BCORL1: variants seen among roughly 807,000 people sequenced by gnomAD.
BCORL1 encodes BCL6 corepressor like 1, also known as BCL-6 corepressor-like protein 1.
In BCORL1, 7 loss-of-function variants were observed where a neutral mutation model predicts 87.6. That is an observed-to-expected ratio of 0.08 (90% CI 0.05 to 0.15). The LOEUF (loss-of-function observed/expected upper bound fraction) is 0.15, where lower values mean the gene tolerates loss of function less well. BCORL1 is among the 10% of genes least tolerant of loss of function. BCORL1 has a pLI of 1.00. For synonymous variants in BCORL1, 591 were observed against 634.4 expected (o/e 0.93, Z 1.03); for missense variants, 1,215 against 1,499.7 (o/e 0.81, Z 3.13).
At position 130,043,778 on chromosome X, in the gene BCORL1, A is replaced by T. The variant is rs867591572; in HGVS notation, c.4840+4496A>T. Among the ~76,000 whole-genome samples the T allele has an allele frequency of 6.2e-3, 135 of 21,847 alleles. 7 individuals are homozygous for T. The highest frequency in any genetic ancestry group is 0.045 in the African/African-American group (128 of 2,875). The allele number at this position is 21,847 out of a possible 115,157, so 19.0% of individuals were successfully genotyped here. The stretch of plus-strand genomic sequence containing the variant: ...TATATATATATATATATATATATAT[A>T]TATATATTTTTTTTTTTTTTTTTTT... On this transcript the variant is annotated intron_variant, in intron 11 of 13. Coordinates refer to ENST00000540052, the MANE Select transcript of BCORL1 (RefSeq NM_001379451.1).
At chrX:130,011,892 A>T (rs1326594795) in intron 2 of BCORL1, among the ~76,000 whole-genome samples, 1 of 109,820 alleles carries the variant, frequency 9.1e-6, no homozygotes, top group African/African-American at 3.3e-5. Flanking sequence ...GTTGCCTAGA[A>T]CTCTAGAAAA....
intron 1 of BCORL1, among the ~76,000 whole-genome samples, chrX:129,995,021 T>C (rs912499375): frequency 1.8e-5 from 2 of 110,606 alleles, no homozygotes; most frequent in East Asian, 2.8e-4. Context: ...TTTTTTTTTT[T>C]CCAAGACAGA....
At chrX:130,024,141 T>C (rs2063052970) in intron 6 of BCORL1, among the ~76,000 whole-genome samples, 1 of 111,203 alleles carries the variant, frequency 9.0e-6, no homozygotes, top group Non-Finnish European at 1.9e-5. Context: ...GTTAGCAGAG[T>C]TGAAGGAAAG....
chrX:130,022,884 C>G lies in BCORL1; in HGVS notation c.3608-13C>G, dbSNP rs777470958. The G allele has an allele frequency of 5.0e-6, 6 of 1,203,588 alleles. No individual in the cohort carries two copies. The highest frequency in any genetic ancestry group is 5.6e-6 in the Non-Finnish European group (5 of 889,276). On this transcript the variant is annotated splice_polypyrimidine_tract_variant and intron_variant, in intron 5 of 13. Transcript: ENST00000540052. ...ATTTCTGCCTTCTGTCCCCAAACCA[C>G]ACATCACTCCAGGTTCCTTGGAAAA...
chrX:130,000,812 C>T (rs1323803740), intron 1 of BCORL1, among the ~76,000 whole-genome samples: 2 of 111,064 alleles, frequency 1.8e-5, no homozygotes, highest in Non-Finnish European at 3.8e-5. Context: ...ATCAGATAGC[C>T]CAGAAGGTTA....
chrX:130,035,116 A>G (rs1930858944), intron 9 of BCORL1, among the ~76,000 whole-genome samples: 1 of 111,511 alleles, frequency 9.0e-6, no homozygotes, highest in Admixed American at 9.6e-5. Context: ...CTACTACCCT[A>G]TAGATTAGAA....
intron 1 of BCORL1, among the ~76,000 whole-genome samples, chrX:129,995,028 CAG>C (rs751105611): frequency 3.6e-5 from 4 of 109,620 alleles, no homozygotes; most frequent in Non-Finnish European, 7.6e-5. Context: ...TTTTCCAAGA[CAG>C]AGTCTCGCTC....
chrX:130,055,829 A>G (rs753308651), intron 13 of BCORL1, 25 bp from the exon 14 acceptor site: 3 of 1,181,236 alleles, frequency 2.5e-6, no homozygotes, highest in South Asian at 3.9e-5. Context: ...GCCTCCTTCA[A>G]TAACTCCCAT....
At chrX:130,034,704 G>T in intron 9 of BCORL1, 28 bp downstream of exon 9, 2 of 942,619 alleles carry the variant, frequency 2.1e-6, no homozygotes, top group Non-Finnish European at 2.8e-6. Flanking sequence ...TGACCACAGG[G>T]CGCCGTTGGT....
chrX:130,042,897 C>T (rs1188225331), intron 11 of BCORL1, among the ~76,000 whole-genome samples: 13 of 109,699 alleles, frequency 1.2e-4, no homozygotes, highest in African/African-American at 3.0e-4. Context: ...TGCTTGAACC[C>T]AGGAGGTGGA....
At chrX:130,019,388 C>T (rs1210411311) in intron 4 of BCORL1, among the ~76,000 whole-genome samples, 1 of 112,660 alleles carries the variant, frequency 8.9e-6, no homozygotes, top group Non-Finnish European at 1.9e-5. Context: ...GTGCATTTGA[C>T]TTTATTCCCC....
intron 2 of BCORL1, among the ~76,000 whole-genome samples, chrX:130,011,002 T>TAAAAA (rs1186630415): frequency 2.1e-3 from 41 of 19,089 alleles, no homozygotes; most frequent in East Asian, 5.6e-3. Flanking sequence ...AGATTCAATC[T>TAAAAA]AAAAAAAAAA....
At chrX:129,984,156 G>A (rs1603051710) in intron 1 of BCORL1, among the ~76,000 whole-genome samples, 1 of 96,043 alleles carries the variant, frequency 1.0e-5, no homozygotes, top group Non-Finnish European at 2.1e-5. Context: ...GGGGCCGGGG[G>A]CGGCGCTGCT....
chrX:130,042,932 C>T (rs748765415), intron 11 of BCORL1, among the ~76,000 whole-genome samples: 164 of 109,653 alleles, frequency 1.5e-3, no homozygotes, highest in African/African-American at 5.2e-3. Flanking sequence ...GAGATCACAC[C>T]ACTGCACTCC....
At chrX:130,041,303 G>A (rs866795806) in intron 11 of BCORL1, among the ~76,000 whole-genome samples, 63 of 96,518 alleles carry the variant, frequency 6.5e-4, no homozygotes, top group African/African-American at 2.3e-3. Flanking sequence ...AAAAAAAAGA[G>A]ACAGAGAGGA....
chrX:130,057,415 G>GAT lies in BCORL1; in HGVS notation c.*1280_*1281insTA, dbSNP rs1245025128. 2 of 111,934 alleles carry GAT rather than the reference G, an allele frequency of 1.8e-5. No individual in the cohort carries two copies. Among genetic ancestry groups the GAT allele is most frequent in the African/African-American group, 6.5e-5 (2 of 30,725 alleles). 9.2% of individuals were successfully genotyped at this position (111,934 alleles called of 1,213,427 possible). Reference sequence around the variant, plus strand: ...CGCTGGGTTTGTCGAGTGAGAGAGAGAGAGGAGCTTGGGTTGCTTCCCTGT... The same window carrying GAT: ...CGCTGGGTTTGTCGAGTGAGAGAGAGATAGAGGAGCTTGGGTTGCTTCCCTGT... On this transcript the variant is annotated 3_prime_UTR_variant, in exon 14 of 14. Transcript: ENST00000540052.
At chrX:130,026,413 A>C (rs1194163390) in intron 7 of BCORL1, among the ~76,000 whole-genome samples, 1 of 112,581 alleles carries the variant, frequency 8.9e-6, no homozygotes, top group African/African-American at 3.2e-5. Flanking sequence ...TAATTGAGCT[A>C]ATTTTCATCA....
At chrX:129,982,296 C>T (rs1308998509), upstream of BCORL1, among the ~76,000 whole-genome samples, 4 of 111,549 alleles carry the variant, frequency 3.6e-5, no homozygotes, top group African/African-American at 1.3e-4. Context: ...GCAGCCACTG[C>T]TGCCTCCCTC....
chrX:130,037,546 C>CA lies in BCORL1; in HGVS notation c.4694+14dup. On this transcript the variant is annotated intron_variant, in intron 10 of 13. Coordinates refer to ENST00000540052, the MANE Select transcript of BCORL1 (RefSeq NM_001379451.1). The stretch of plus-strand genomic sequence containing the variant: ...AGGACGGCACGAGGCAAGAGGGCTG[C>CA]ATCTCCCCCCAGTCCCGCCCTCACT... 2 of 1,194,734 alleles carry CA rather than the reference C, an allele frequency of 1.7e-6. No homozygotes were observed. The highest frequency in any genetic ancestry group is 2.3e-6 in the Non-Finnish European group (2 of 884,948).
Sources: gnomAD v4.1 joint callset for allele counts (sites outside exome capture counted in the v4.1 genomes callset) on GRCh38, gnomAD v4.1.1 for gene constraint, MANE v1.5 for transcripts, NCBI Gene and HGNC (gene_info 2026-07-23, HGNC 2026-07-21) for gene names.